GRAMD1B: variants seen among roughly 807,000 people sequenced by gnomAD.
GRAMD1B encodes protein Aster-B.
A neutral mutation model predicts 99.7 loss-of-function variants in GRAMD1B; 37 were observed. That is an observed-to-expected ratio of 0.37 (90% CI 0.29 to 0.49). The LOEUF (loss-of-function observed/expected upper bound fraction) is 0.49. Ranked by LOEUF, GRAMD1B falls within the 20% of genes least tolerant of loss-of-function variation. The probability of loss-of-function intolerance (pLI) is 0.98; values close to 1 mark genes in which losing one functional copy is unlikely to be tolerated. For missense variants in GRAMD1B, 888 were observed against 1,009.2 expected, an observed-to-expected ratio of 0.88 and a Z score of 1.63; for synonymous variants, 427 against 387.6, an observed-to-expected ratio of 1.10 and a Z score of -1.19.
chr11:123,361,503 T>A (rs183006925), intron 1 of GRAMD1B, among the ~76,000 whole-genome samples: 80 of 152,278 alleles, frequency 5.3e-4, no homozygotes, highest in African/African-American at 1.9e-3. Flanking sequence ...TCTTTCAGCT[T>A]GATCAAGATT....
chr11:123,453,604 A>G (rs1949985816), intron 1 of GRAMD1B, among the ~76,000 whole-genome samples: 1 of 152,212 alleles, frequency 6.6e-6, no homozygotes, highest in African/African-American at 2.4e-5. Flanking sequence ...GACATGAGCC[A>G]CCGTGCCTGG....
At chr11:123,576,488 C>A (rs899097963) in intron 2 of GRAMD1B, among the ~76,000 whole-genome samples, 9 of 152,266 alleles carry the variant, frequency 5.9e-5, no homozygotes, top group African/African-American at 2.2e-4. Flanking sequence ...TCTCTCCCTT[C>A]TGTCTCTCAT....
In GRAMD1B at chr11:123,500,603, T is replaced by G. The variant is rs146771020; in HGVS notation, c.452+19710T>G. On this transcript the variant is annotated intron_variant, in intron 2 of 19. Transcript: ENST00000635736. The stretch of plus-strand genomic sequence containing the variant: ...AAATGCAGAGTGTCTGTGTACTTTG[T>G]GGAGGAGCAATGTTTATGTTCTAAG... Among the ~76,000 whole-genome samples, 4 of 152,284 alleles carry G rather than the reference T, an allele frequency of 2.6e-5. No homozygotes were observed. The East Asian group carries it at 5.8e-4, about 22-fold the overall frequency.
chr11:123,560,396 A>C, intron 2 of GRAMD1B: 1 of 1,175,506 alleles, frequency 8.5e-7, no homozygotes, highest in African/African-American at 1.6e-5. Context: ...GGGAGAGGGA[A>C]ATAAAGGGGA....
At chr11:123,584,279 A>G in intron 3 of GRAMD1B, 33 bp from the exon 4 acceptor site, 1 of 928,398 alleles carries the variant, frequency 1.1e-6, no homozygotes, top group Non-Finnish European at 1.4e-6. Context: ...TTCCCTGACT[A>G]ATTCTACCTT....
chr11:123,472,352 C>T (rs1229237063), intron 1 of GRAMD1B, among the ~76,000 whole-genome samples: 5 of 152,132 alleles, frequency 3.3e-5, no homozygotes, highest in Non-Finnish European at 1.5e-5. Flanking sequence ...TGGTTTCACC[C>T]TGTTGCCTGG....
At chr11:123,375,017 TA>T (rs1278679045) in intron 1 of GRAMD1B, among the ~76,000 whole-genome samples, 1 of 152,220 alleles carries the variant, frequency 6.6e-6, no homozygotes, top group Non-Finnish European at 1.5e-5. Context: ...ATTTTTTTAC[TA>T]AAAATCTTTT....
intron 2 of GRAMD1B, among the ~76,000 whole-genome samples, chr11:123,542,975 CT>C (rs66622576): frequency 0.6 from 90,777 of 150,572 alleles, 28,415 homozygotes; most frequent in South Asian, 0.8. Context: ...TTTTCTTTTT[CT>C]TTTTTTTTTT....
intron 5 of GRAMD1B, 70 bp downstream of exon 5, chr11:123,594,236 T>TA: frequency 9.1e-7 from 1 of 1,096,648 alleles, no homozygotes; most frequent in Non-Finnish European, 1.4e-6. Context: ...CTCAGGGTGC[T>TA]TCTCTCTAGA....
chr11:123,554,567 G>A lies in GRAMD1B; in HGVS notation c.453-22800G>A, dbSNP rs368924088. Reference sequence around the variant, plus strand: ...AAAAGAAAGAAAGAAACAAAATGCCGGACATGGTGGTGTGTGCCTGTAGCC... The same window carrying A: ...AAAAGAAAGAAAGAAACAAAATGCCAGACATGGTGGTGTGTGCCTGTAGCC... On this transcript the variant is annotated intron_variant, in intron 2 of 19. Transcript: ENST00000635736. Among the ~76,000 whole-genome samples, 6 of 151,108 alleles carry A rather than the reference G, an allele frequency of 4.0e-5. No homozygotes were observed. The East Asian group carries it at 5.8e-4, about 15-fold the overall frequency.
intron 2 of GRAMD1B, among the ~76,000 whole-genome samples, chr11:123,571,407 A>C (rs745353589): frequency 5.3e-5 from 8 of 152,212 alleles, no homozygotes; most frequent in Non-Finnish European, 7.3e-5. Context: ...GCCTGAAGAG[A>C]GTCCTCATCC....
chr11:123,505,345 T>C (rs1273012350), intron 2 of GRAMD1B, among the ~76,000 whole-genome samples: 4 of 152,078 alleles, frequency 2.6e-5, no homozygotes, highest in Admixed American at 2.6e-4. Context: ...TTTGATGTCT[T>C]TGTTCACCTA....
intron 17 of GRAMD1B, among the ~76,000 whole-genome samples, chr11:123,617,514 C>A (rs1954595738): frequency 6.6e-6 from 1 of 152,070 alleles, no homozygotes; most frequent in Admixed American, 6.6e-5. Context: ...TGTCATCTTT[C>A]TTTTCTTATG....
In GRAMD1B at chr11:123,510,605, C is replaced by T. The variant is rs1565312260; in HGVS notation, c.452+29712C>T. On this transcript the variant is annotated intron_variant, in intron 2 of 19. Coordinates refer to ENST00000635736, the MANE Select transcript of GRAMD1B (RefSeq NM_001387025.1). The surrounding 1 kb of genome is among the most constrained non-coding windows in gnomAD (Gnocchi z 4.3). ...GGGTGGTTTGTTCTCCGTGGGTGGA[C>T]GTTTGTGACTCTGCCTTTTCTCTCT... Among the ~76,000 whole-genome samples the T allele has an allele frequency of 1.3e-5, 2 of 152,148 alleles. No individual in the cohort carries two copies. Among genetic ancestry groups the T allele is most frequent in the East Asian group, 1.9e-4 (1 of 5,188 alleles).
chr11:123,519,458 A>G (rs532400425), intron 2 of GRAMD1B, among the ~76,000 whole-genome samples: 1 of 152,324 alleles, frequency 6.6e-6, no homozygotes, highest in East Asian at 1.9e-4. Context: ...TGGAGTGTTT[A>G]GGAGGCTGTT....
intron 2 of GRAMD1B, among the ~76,000 whole-genome samples, chr11:123,552,848 C>A (rs1029754953): frequency 6.6e-6 from 1 of 152,136 alleles, no homozygotes; most frequent in Non-Finnish European, 1.5e-5. Context: ...CCTGGCAATA[C>A]CTTCTCAATG....
intron 2 of GRAMD1B, among the ~76,000 whole-genome samples, chr11:123,570,160 T>C: frequency 6.6e-6 from 1 of 152,192 alleles, no homozygotes; most frequent in East Asian, 1.9e-4. Context: ...GTTCTCAAAC[T>C]TCAGAGTGCT....
chr11:123,484,512 C>T (rs182378230), intron 2 of GRAMD1B, among the ~76,000 whole-genome samples: 23 of 152,238 alleles, frequency 1.5e-4, no homozygotes, highest in African/African-American at 4.3e-4. Context: ...GATTTCTTCC[C>T]GGGTCCTTTG....
At chr11:123,521,782 T>C (rs939170017) in intron 2 of GRAMD1B, among the ~76,000 whole-genome samples, 2 of 152,222 alleles carry the variant, frequency 1.3e-5, no homozygotes, top group Non-Finnish European at 2.9e-5. Context: ...GGGATCCACT[T>C]TATGAGGTAG....
Sources: gnomAD v4.1 joint callset for allele counts (sites outside exome capture counted in the v4.1 genomes callset) on GRCh38, gnomAD v4.1.1 for gene constraint, Gnocchi (gnomAD v3.1) non-coding constraint, MANE v1.5 for transcripts, NCBI Gene and HGNC (gene_info 2026-07-23, HGNC 2026-07-21) for gene names.